NUP188: variants seen among roughly 807,000 people sequenced by gnomAD.
The protein encoded by NUP188 is nucleoporin 188, also known as nucleoporin NUP188.
A neutral mutation model predicts 223.0 loss-of-function variants in NUP188; 97 were observed. The ratio of observed to expected loss-of-function variants is 0.43; its 90% CI spans 0.37 to 0.51. NUP188 has a LOEUF of 0.51. NUP188 is among the 20% of genes least tolerant of loss of function. NUP188 has a pLI of 0.00. For synonymous variants in NUP188, 869 were observed against 828.0 expected, an observed-to-expected ratio of 1.05 and a Z score of -0.85; for missense variants, 1,947 against 2,175.6, an observed-to-expected ratio of 0.89 and a Z score of 2.09.
At chr9:128,988,236 C>G in intron 24 of NUP188, 50 bp downstream of exon 24, 2 of 1,596,698 alleles carry the variant, frequency 1.3e-6, no homozygotes. Context: ...CTCTTCCAGT[C>G]ATTTTTGCTC....
chr9:128,959,214 G>GA, intron 8 of NUP188, 80 bp downstream of exon 8: 1 of 1,169,410 alleles, frequency 8.6e-7, no homozygotes, highest in Non-Finnish European at 1.2e-6. Flanking sequence ...GGAGTGCAGT[G>GA]GCATGATCTC....
At position 129,005,780 on chromosome 9, in the gene NUP188, A is replaced by T. The variant is rs778900693; in HGVS notation, c.4869+4A>T. The T allele has an allele frequency of 1.4e-5, 22 of 1,606,370 alleles. No individual in the cohort carries two copies. Among genetic ancestry groups the T allele is most frequent in the Non-Finnish European group, 1.9e-5 (22 of 1,176,404 alleles). ...GGCCCTCAACATGCTTGGAGAGGTA[A>T]GTTGGTTCTGTCAGACACTGTCCTC... On this transcript the variant is annotated splice_donor_region_variant and intron_variant, in intron 41 of 43. Transcript: ENST00000372577.
At position 128,973,625 on chromosome 9, in the gene NUP188, C is replaced by T. The variant is rs1307360926; in HGVS notation, c.1203+376C>T. Among the ~76,000 whole-genome samples the T allele has an allele frequency of 4.6e-5, 7 of 152,268 alleles. No homozygotes were observed. The South Asian group carries it at 6.2e-4, about 14-fold the overall frequency. On this transcript the variant is annotated intron_variant, in intron 12 of 43. Transcript: ENST00000372577. ...CTTAAACTCCTGACATCAGGCGATC[C>T]GCCTGCCTCGGCCTCCCAAAGTGCT... is the stretch of plus-strand genomic sequence containing the variant.
Position 128,975,542 on chromosome 9 carries a change from C to T in NUP188, c.1203+2293C>T, listed in dbSNP as rs1030368858. Among the ~76,000 whole-genome samples, 5 of 150,364 alleles carry T rather than the reference C, an allele frequency of 3.3e-5. No homozygotes were observed. The East Asian group carries it at 7.9e-4, about 24-fold the overall frequency. On this transcript the variant is annotated intron_variant, in intron 12 of 43. Coordinates refer to ENST00000372577, the MANE Select transcript of NUP188 (RefSeq NM_015354.3). Reference sequence around the variant, plus strand: ...TGGCCTTATTTATTTTTCTTTAAGACGGAGTCTCGCTCTGTCGCCCAGGCT... The same window carrying T: ...TGGCCTTATTTATTTTTCTTTAAGATGGAGTCTCGCTCTGTCGCCCAGGCT...
In NUP188 at chr9:129,001,939, T is replaced by C. The variant is rs374077989; in HGVS notation, c.4100T>C (p.Leu1367Pro). 7 of 1,614,066 alleles carry C rather than the reference T, an allele frequency of 4.3e-6. No individual in the cohort carries two copies. Among genetic ancestry groups the C allele is most frequent in the Non-Finnish European group, 5.1e-6 (6 of 1,180,028 alleles). Residue 1367 changes from leucine (L) to proline (P), a missense_variant, in exon 36 of 44, where the codon CTG becomes CCG. This residue lies in a region of NUP188 where 905 missense variants were observed against 990.6 expected (regional missense o/e 0.91). Transcript: ENST00000372577. Reference sequence around the variant, plus strand: ...ACCCAGAGCATTTGTTTGCCCCTTCTGAGTGTGTACCAGCTGAGCACCAAC... The same window carrying C: ...ACCCAGAGCATTTGTTTGCCCCTTCCGAGTGTGTACCAGCTGAGCACCAAC... Reference protein sequence around the residue: ...GITQSICLPLLSVYQLSTNGT... With the variant: ...GITQSICLPLPSVYQLSTNGT...
intron 28 of NUP188, 52 bp downstream of exon 28, chr9:128,994,494 G>A (rs781518468): frequency 1.6e-6 from 2 of 1,257,932 alleles, no homozygotes; most frequent in Non-Finnish European, 2.3e-6. Context: ...TGGAGGAAAG[G>A]CTGTGGGCTG....
At chr9:128,979,884 G>A (rs1245627036) in intron 13 of NUP188, among the ~76,000 whole-genome samples, 3 of 152,036 alleles carry the variant, frequency 2.0e-5, no homozygotes, top group Non-Finnish European at 4.4e-5. Flanking sequence ...TGCCAGCCTC[G>A]GCCTCCCAAA....
chr9:128,981,469 G>A, intron 15 of NUP188, 79 bp downstream of exon 15: 3 of 1,426,766 alleles, frequency 2.1e-6, no homozygotes, highest in South Asian at 2.6e-5. Context: ...CTGGAGTGCA[G>A]TGGCAAGATC....
chr9:129,000,954 C>T (rs1017742113), intron 34 of NUP188, among the ~76,000 whole-genome samples: 3 of 151,924 alleles, frequency 2.0e-5, no homozygotes, highest in Non-Finnish European at 4.4e-5. Context: ...AGGAGGATGG[C>T]GTGAACCCAG....
intron 22 of NUP188, 48 bp from the exon 23 acceptor site, chr9:128,987,541 G>T: frequency 6.3e-7 from 1 of 1,581,234 alleles, no homozygotes; most frequent in South Asian, 1.2e-5. Flanking sequence ...TTCCTTCCAA[G>T]ATACACTGAG....
Position 128,980,678 on chromosome 9 carries a change from C to T in NUP188, c.1342C>T (p.Leu448=). The change falls in exon 14 of 44, where the codon CTG becomes TTG. Residue 448 remains leucine, a synonymous_variant. Transcript: ENST00000372577. Reference sequence around the variant, plus strand: ...GTTTCCCCACCTTCTCTCCCCACTCCTGCAACTGCTCCGAGCCCTGGTATC... The same window carrying T: ...GTTTCCCCACCTTCTCTCCCCACTCTTGCAACTGCTCCGAGCCCTGGTATC... ...GMFPHLLSPL[L]QLLRALVSGK... The T allele has an allele frequency of 6.2e-7, 1 of 1,614,136 alleles. No individual in the cohort carries two copies. The highest frequency in any genetic ancestry group is 8.5e-7 in the Non-Finnish European group (1 of 1,180,014).
rs748763745 is a variant in NUP188, at chr9:128,987,546, A to C, written c.2265-43A>C. The C allele has an allele frequency of 2.5e-6, 4 of 1,587,972 alleles. No homozygotes were observed. The South Asian group carries it at 4.7e-5, about 19-fold the overall frequency. The stretch of plus-strand genomic sequence containing the variant: ...GACAATGCCCTTCCTTCCAAGATAC[A>C]CTGAGTGGCTCCCTGGTAACTCAGA... On this transcript the variant is annotated intron_variant, in intron 22 of 43. Coordinates refer to ENST00000372577, the MANE Select transcript of NUP188 (RefSeq NM_015354.3).
At chr9:129,003,058 G>A (rs1588295105) in intron 37 of NUP188, 83 bp downstream of exon 37, 3 of 1,482,602 alleles carry the variant, frequency 2.0e-6, no homozygotes, top group Non-Finnish European at 2.7e-6. Flanking sequence ...TGGGTGTGGA[G>A]CCTGGGCCTC....
rs991784649 is a variant in NUP188 at position 128,952,951 on chromosome 9, C to A, written c.161+105C>A. 7.0e-5 allele frequency: 62 copies of A among 889,900 alleles called. 1 individual carries two copies. Among genetic ancestry groups the A allele is most frequent in the East Asian group, 4.6e-4 (18 of 39,552 alleles). 55.1% of individuals were successfully genotyped at this position (889,900 alleles called of 1,614,324 possible). Reference sequence around the variant, plus strand: ...TGATGATATTGTAGGGTTATGTATACCAGAGATAATACAATTTAGTTTACC... The same window carrying A: ...TGATGATATTGTAGGGTTATGTATAACAGAGATAATACAATTTAGTTTACC... On this transcript the variant is annotated intron_variant, in intron 3 of 43. Coordinates refer to ENST00000372577, the MANE Select transcript of NUP188 (RefSeq NM_015354.3).
chr9:128,959,689 C>T (rs932264793), intron 8 of NUP188, among the ~76,000 whole-genome samples: 1 of 151,500 alleles, frequency 6.6e-6, no homozygotes, highest in East Asian at 2.0e-4. Flanking sequence ...CCTGCCACCA[C>T]GCCCAGCTAA....
chr9:129,005,856 G>T, intron 41 of NUP188, 80 bp downstream of exon 41: 2 of 1,522,324 alleles, frequency 1.3e-6, no homozygotes, highest in Admixed American at 2.0e-5. Flanking sequence ...CCTTGGGCAT[G>T]TTGGGCATGG....
Position 129,001,691 on chromosome 9 carries a change from A to G in NUP188, c.4006A>G (p.Thr1336Ala), listed in dbSNP as rs749515765. Residue 1336 changes from threonine (T) to alanine (A), a missense_variant, in exon 35 of 44, where the codon ACA becomes GCA. This residue lies in a region of NUP188 where 905 missense variants were observed against 990.6 expected (regional missense o/e 0.91). Coordinates refer to ENST00000372577, the MANE Select transcript of NUP188 (RefSeq NM_015354.3). ...GCAGAACCTGCATTTCACTGAGGCC[A>G]CATTGCATCTGCTCCTCACCCTGGC... ...MKQNLHFTEA[T>A]LHLLLTLART... is the part of the protein sequence containing the mutation. 1.2e-6 allele frequency: 2 copies of G among 1,613,998 alleles called. No homozygotes were observed. Among genetic ancestry groups the G allele is most frequent in the Non-Finnish European group, 8.5e-7 (1 of 1,179,978 alleles).
At chr9:129,005,867 T>C in intron 41 of NUP188, 91 bp downstream of exon 41, 1 of 1,499,366 alleles carries the variant, frequency 6.7e-7, no homozygotes, top group South Asian at 1.3e-5. Flanking sequence ...TTGGGCATGG[T>C]ACCTAGCCTC....
intron 7 of NUP188, 43 bp from the exon 8 acceptor site, chr9:128,958,972 A>T (rs763111027): frequency 7.0e-7 from 1 of 1,434,760 alleles, no homozygotes; most frequent in Non-Finnish European, 9.5e-7. Context: ...TTGAATATTT[A>T]CCTTTTATTC....
Sources: gnomAD v4.1 joint callset for allele counts (sites outside exome capture counted in the v4.1 genomes callset) on GRCh38, gnomAD v4.1.1 for gene constraint, gnomAD v4.1.1 regional missense constraint, MANE v1.5 for transcripts, NCBI Gene and HGNC (gene_info 2026-07-23, HGNC 2026-07-21) for gene names.